Variants in RNF216 observed in about 807,000 individuals in gnomAD.
RNF216 encodes ring finger protein 216.
Under a neutral mutation model 110.8 loss-of-function variants are expected in RNF216, and 72 were observed. The ratio of observed to expected loss-of-function variants is 0.65; its 90% CI spans 0.54 to 0.79. The LOEUF (loss-of-function observed/expected upper bound fraction) is 0.79. Among genes scored for constraint, RNF216 ranks in the 30% least tolerant of loss-of-function variants. The pLI is 0.00. For missense variants in RNF216, 1,342 were observed against 1,141.2 expected, an observed-to-expected ratio of 1.18 and a Z score of -2.54; for synonymous variants, 495 against 407.5, an observed-to-expected ratio of 1.21 and a Z score of -2.59.
intron 1 of RNF216, among the ~76,000 whole-genome samples, chr7:5,771,867 C>G (rs967794955): frequency 5.9e-5 from 9 of 151,852 alleles, no homozygotes; most frequent in African/African-American, 2.2e-4. Context: ...CTGAGTACCC[C>G]GAGGAAACGC....
chr7:5,652,340 CCTCT>C (rs1788444160), intron 14 of RNF216, 69 bp downstream of exon 14: 1 of 1,072,054 alleles, frequency 9.3e-7, no homozygotes, highest in East Asian at 2.4e-5. Flanking sequence ...AACAGTATGC[CCTCT>C]CTACCAAAAA....
intron 13 of RNF216, chr7:5,666,753 T>C (rs1789554684): frequency 6.6e-6 from 1 of 151,862 alleles, no homozygotes; most frequent in Non-Finnish European, 1.5e-5. Context: ...TCCAAAGGAT[T>C]TGCTCCCCAT....
chr7:5,739,511 G>C, intron 4 of RNF216, 159 bp from the exon 5 acceptor site: 1 of 734,512 alleles, frequency 1.4e-6, no homozygotes, highest in Admixed American at 2.1e-5. Context: ...CTAGTTCCCA[G>C]ATTCATCTGT....
intron 13 of RNF216, among the ~76,000 whole-genome samples, chr7:5,658,627 A>G (rs1788896413): frequency 6.7e-6 from 1 of 148,572 alleles, no homozygotes; most frequent in South Asian, 2.2e-4. Context: ...ACTGCACTCC[A>G]GTCTGGGTGA....
intron 3 of RNF216, among the ~76,000 whole-genome samples, chr7:5,746,787 C>T (rs1352098524): frequency 6.6e-6 from 1 of 152,066 alleles, no homozygotes; most frequent in Non-Finnish European, 1.5e-5. Context: ...CAAAACTTTA[C>T]CAAAAATAAT....
intron 15 of RNF216, among the ~76,000 whole-genome samples, chr7:5,627,512 C>A (rs1197852995): frequency 1.3e-5 from 2 of 152,194 alleles, no homozygotes; most frequent in Non-Finnish European, 2.9e-5. Context: ...CTTTGGGAGG[C>A]TGAGGCAGGC....
intron 13 of RNF216, among the ~76,000 whole-genome samples, chr7:5,673,532 G>T (rs543045769): frequency 1.3e-5 from 2 of 152,202 alleles, no homozygotes; most frequent in African/African-American, 2.4e-5. Flanking sequence ...TGTCACGTGG[G>T]GCAGTATGCA....
chr7:5,623,687 G>C (rs1240749557), intron 16 of RNF216, among the ~76,000 whole-genome samples: 1 of 152,052 alleles, frequency 6.6e-6, no homozygotes, highest in Non-Finnish European at 1.5e-5. Flanking sequence ...TCCCACCTCT[G>C]CCTCCTGAGG....
At position 5,622,903 on chromosome 7, in the gene RNF216, T is replaced by C. The variant is rs974441443; in HGVS notation, c.2729A>G (p.Asn910Ser). ...FGPIHMPLEH[N>S]LPMHFGPQPR... is the part of the protein sequence containing the mutation. ...CTGGGGGCCAAAGTGCATGGGCAGG[T>C]TGTGCTCCAGGGGCATGTGGATGGG... is the stretch of plus-strand genomic sequence containing the variant. Residue 910 changes from asparagine to serine, a missense_variant, in exon 17 of 17, where the codon AAC becomes AGC. Transcript: ENST00000389902. The C allele has an allele frequency of 6.2e-7, 1 of 1,612,002 alleles. No individual in the cohort carries two copies. The highest frequency in any genetic ancestry group is 1.3e-5 in the African/African-American group (1 of 74,996).
chr7:5,744,700 G>A (rs1439430816), intron 3 of RNF216, among the ~76,000 whole-genome samples: 1 of 152,090 alleles, frequency 6.6e-6, no homozygotes, highest in Non-Finnish European at 1.5e-5. Flanking sequence ...GGCTAGGCAC[G>A]GTTGGCTTAT....
At chr7:5,650,730 T>C (rs1209070876) in intron 14 of RNF216, among the ~76,000 whole-genome samples, 3 of 152,204 alleles carry the variant, frequency 2.0e-5, no homozygotes, top group African/African-American at 7.2e-5. Context: ...CTAAGGACTT[T>C]CTGCTTTTAA....
At chr7:5,652,829 G>A (rs550751801) in intron 13 of RNF216, among the ~76,000 whole-genome samples, 3 of 151,868 alleles carry the variant, frequency 2.0e-5, no homozygotes, top group Non-Finnish European at 4.4e-5. Flanking sequence ...AGAGGGGAGT[G>A]GTAAGAATCA....
chr7:5,735,691 A>C (rs556534865), intron 5 of RNF216, among the ~76,000 whole-genome samples: 2 of 152,352 alleles, frequency 1.3e-5, no homozygotes. Context: ...AGAAGACAGG[A>C]AACAGCTACA....
At position 5,748,255 on chromosome 7, in the gene RNF216, A is replaced by G. The variant is rs191234092; in HGVS notation, c.201+4591T>C. 1.8e-4 allele frequency among the ~76,000 whole-genome samples: 27 copies of G among 152,302 alleles called. 1 individual carries two copies. The East Asian group carries it at 5.0e-3, about 28-fold the overall frequency. ...TGCACACAAACTGTCTTTGTGCCCT[A>G]CAGTTCACCTTTTGAAGGAAAAAGC... On this transcript the variant is annotated intron_variant, in intron 3 of 16. Coordinates refer to ENST00000389902, the MANE Select transcript of RNF216 (RefSeq NM_207111.4).
intron 15 of RNF216, among the ~76,000 whole-genome samples, chr7:5,625,146 G>C (rs953555836): frequency 1.3e-5 from 2 of 152,222 alleles, no homozygotes; most frequent in Admixed American, 6.5e-5. Context: ...AAGCAGCAGA[G>C]TGGCAACACC....
intron 13 of RNF216, among the ~76,000 whole-genome samples, chr7:5,672,115 G>A (rs1356377208): frequency 2.0e-5 from 3 of 152,216 alleles, no homozygotes; most frequent in South Asian, 2.1e-4. Context: ...TTGTGCACAC[G>A]CTGTGCCCTC....
chr7:5,733,055 A>G (rs1794183922), intron 5 of RNF216: 1 of 152,242 alleles, frequency 6.6e-6, no homozygotes, highest in African/African-American at 2.4e-5. Flanking sequence ...ATGCACATAA[A>G]GCAACTGAGA....
At chr7:5,727,110 A>G (rs1178539630) in intron 7 of RNF216, among the ~76,000 whole-genome samples, 2 of 152,192 alleles carry the variant, frequency 1.3e-5, no homozygotes, top group Non-Finnish European at 2.9e-5. Context: ...CAGTCTGGGC[A>G]GCAATGAGAA....
At chr7:5,773,146 G>A (rs149177984) in intron 1 of RNF216, among the ~76,000 whole-genome samples, 110 of 152,152 alleles carry the variant, frequency 7.2e-4, no homozygotes, top group African/African-American at 2.5e-3. Flanking sequence ...TTGAAATAAT[G>A]ATATTGATGT....
Sources: gnomAD v4.1 joint callset for allele counts (sites outside exome capture counted in the v4.1 genomes callset) on GRCh38, gnomAD v4.1.1 for gene constraint, MANE v1.5 for transcripts, NCBI Gene and HGNC (gene_info 2026-07-23, HGNC 2026-07-21) for gene names.